The following SASH1 variants were observed in gnomAD, a reference collection of about 807,000 sequenced individuals.
SASH1 encodes SAM and SH3 domain-containing protein 1.
Under a neutral mutation model 125.2 loss-of-function variants are expected in SASH1, and 44 were observed. The ratio of observed to expected loss-of-function variants is 0.35; its 90% CI spans 0.28 to 0.45. SASH1 has a LOEUF of 0.45. Ranked by LOEUF, SASH1 falls within the 20% of genes least tolerant of loss-of-function variation. The probability of loss-of-function intolerance (pLI) is 1.00; values close to 1 mark genes in which losing one functional copy is unlikely to be tolerated. For missense variants in SASH1, 1,426 were observed against 1,614.5 expected (o/e 0.88, Z 2.00); for synonymous variants, 639 against 649.1 (o/e 0.98, Z 0.24).
rs533836794 is a variant in SASH1, at chr6:148,453,613, G to T, written c.386+13206G>T. The stretch of plus-strand genomic sequence containing the variant: ...CCAACTACAGGTACAATCAAAGACT[G>T]GGGTGCTCGGAGAGACCAGTGATGG... On this transcript the variant is annotated intron_variant, in intron 4 of 19. Coordinates refer to ENST00000367467, the MANE Select transcript of SASH1 (RefSeq NM_015278.5). Among the ~76,000 whole-genome samples the T allele has an allele frequency of 2.0e-5, 3 of 152,248 alleles. No homozygotes were observed. In the South Asian group the frequency reaches 6.2e-4, roughly 32 times the overall value.
At position 148,390,275 on chromosome 6, in the gene SASH1, C is replaced by T; in HGVS notation, c.285+13C>T. 6.2e-7 allele frequency: 1 copy of T among 1,609,008 alleles called. No homozygotes were observed. Among genetic ancestry groups the T allele is most frequent in the South Asian group, 1.1e-5 (1 of 90,728 alleles). ...GGACCTGGAAGTGGTGAGTGGGGGT[C>T]CTGGGAATATGCTTCTGTGAGCAGA... is the stretch of plus-strand genomic sequence containing the variant. On this transcript the variant is annotated intron_variant, in intron 2 of 19. Coordinates refer to ENST00000367467, the MANE Select transcript of SASH1 (RefSeq NM_015278.5).
At chr6:148,518,153 G>A (rs564768903) in intron 9 of SASH1, among the ~76,000 whole-genome samples, 34 of 152,196 alleles carry the variant, frequency 2.2e-4, no homozygotes, top group African/African-American at 7.5e-4. Context: ...AGGAAGGAGC[G>A]GGAAACTTCC....
Position 148,366,055 on chromosome 6 carries a change from G to T in SASH1, c.156+22832G>T, listed in dbSNP as rs1405402378. 2.0e-5 allele frequency among the ~76,000 whole-genome samples: 3 copies of T among 152,186 alleles called. No individual in the cohort carries two copies. The East Asian group carries it at 5.8e-4, about 29-fold the overall frequency. ...TTGAACCTGGGAGGTGGAGGTTGCGGTGAGCCGAGGTGGCACCACTGCACT... is the reference window on the plus strand; with the variant it reads ...TTGAACCTGGGAGGTGGAGGTTGCGTTGAGCCGAGGTGGCACCACTGCACT... On this transcript the variant is annotated intron_variant, in intron 1 of 19. Coordinates refer to ENST00000367467, the MANE Select transcript of SASH1 (RefSeq NM_015278.5).
chr6:148,492,743 C>G (rs1779158429), intron 8 of SASH1, among the ~76,000 whole-genome samples: 1 of 152,010 alleles, frequency 6.6e-6, no homozygotes, highest in African/African-American at 2.4e-5. Flanking sequence ...ATCTTTTGAA[C>G]CCAGGAGGCG....
chr6:148,424,413 A>G (rs1775714918), intron 2 of SASH1, among the ~76,000 whole-genome samples: 1 of 152,000 alleles, frequency 6.6e-6, no homozygotes, highest in African/African-American at 2.4e-5. Context: ...TTTAGTAGAG[A>G]CGGGGTTTCA....
chr6:148,348,928 G>T (rs551788861), intron 1 of SASH1, among the ~76,000 whole-genome samples: 1 of 152,374 alleles, frequency 6.6e-6, no homozygotes, highest in Non-Finnish European at 1.5e-5. Context: ...AAGGCGGTAG[G>T]ATCCCTTCAC....
intron 7 of SASH1, among the ~76,000 whole-genome samples, chr6:148,475,125 A>G (rs531460888): frequency 2.0e-5 from 3 of 152,306 alleles, no homozygotes; most frequent in East Asian, 3.9e-4. Flanking sequence ...CAACAAACCC[A>G]TTGATTCTTG....
At chr6:148,505,325 G>GT (rs1363895006) in intron 8 of SASH1, among the ~76,000 whole-genome samples, 3 of 152,176 alleles carry the variant, frequency 2.0e-5, no homozygotes, top group Non-Finnish European at 4.4e-5. Context: ...TTCTGTTTTT[G>GT]TTTTTTGAGA....
Position 148,544,642 on chromosome 6 carries a change from C to T in SASH1, c.3172C>T (p.Pro1058Ser), listed in dbSNP as rs1197500181. The T allele has an allele frequency of 1.1e-5, 18 of 1,613,090 alleles. No individual in the cohort carries two copies. Among genetic ancestry groups the T allele is most frequent in the South Asian group, 2.2e-5 (2 of 90,998 alleles). ...APGSPPSTRP[P>S]PWLSELPENT... ...TGGCAGCCCACCAAGCACAAGGCCGCCCCCCTGGCTCTCAGAGCTCCCCGA... is the reference window on the plus strand; with the variant it reads ...TGGCAGCCCACCAAGCACAAGGCCGTCCCCCTGGCTCTCAGAGCTCCCCGA... The change falls in exon 18 of 20, where the codon CCC becomes TCC. Residue 1058 changes from proline to serine, a missense_variant. Coordinates refer to ENST00000367467, the MANE Select transcript of SASH1 (RefSeq NM_015278.5). This position sits in a 1 kb window ranked among gnomAD's most constrained non-coding sequence, Gnocchi z 6.4.
At chr6:148,289,472 A>G (rs572129430) in intron 1 of SASH1, among the ~76,000 whole-genome samples, 1 of 152,348 alleles carries the variant, frequency 6.6e-6, no homozygotes, top group Admixed American at 6.5e-5. Flanking sequence ...AAGGCAGTGA[A>G]GTGGTCAGAG....
the SASH1 span, among the ~76,000 whole-genome samples, chr6:148,232,546 C>T: frequency 1.3e-5 from 2 of 152,056 alleles, no homozygotes; most frequent in Non-Finnish European, 2.9e-5. Flanking sequence ...TCGGTGTTGT[C>T]GGGTATGTTA....
chr6:148,416,327 A>G (rs1784813971), intron 2 of SASH1, among the ~76,000 whole-genome samples: 1 of 151,684 alleles, frequency 6.6e-6, no homozygotes, highest in South Asian at 2.1e-4. Context: ...TTTTTTTCCT[A>G]AAGTGTCCTC....
the SASH1 span, among the ~76,000 whole-genome samples, chr6:148,264,367 T>G: frequency 6.6e-6 from 1 of 152,188 alleles, no homozygotes; most frequent in African/African-American, 2.4e-5. Context: ...TTATAACTTC[T>G]GCTTTTTCTA....
At chr6:148,292,942 C>T (rs1239334491) in intron 1 of SASH1, among the ~76,000 whole-genome samples, 1 of 152,030 alleles carries the variant, frequency 6.6e-6, no homozygotes, top group Non-Finnish European at 1.5e-5. Context: ...ATCCCAGCTA[C>T]TCAGGAGGCT....
In SASH1 at chr6:148,361,914, C is replaced by CTT. The variant is rs745596285; in HGVS notation, c.156+18707_156+18708dup. On this transcript the variant is annotated intron_variant, in intron 1 of 19. Coordinates refer to ENST00000367467, the MANE Select transcript of SASH1 (RefSeq NM_015278.5). ...GCATTTCTTTTTTCTTTTTCTTTTT[C>CTT]TTTTTTTTTTTTTTTTTGAGACAGA... 1.3e-3 allele frequency among the ~76,000 whole-genome samples: 164 copies of CTT among 125,472 alleles called. 1 individual carries two copies. The Middle Eastern group carries it at 0.018, about 14-fold the overall frequency. The allele number at this position is 125,472 out of a possible 152,430, so 82.3% of individuals were successfully genotyped here.
intron 1 of SASH1, among the ~76,000 whole-genome samples, chr6:148,364,083 A>T (rs186227290): frequency 1.3e-5 from 2 of 152,088 alleles, no homozygotes; most frequent in African/African-American, 4.8e-5. Context: ...TTCCCAGCTC[A>T]TCGGCAGCCC....
chr6:148,235,575 A>C, the SASH1 span, among the ~76,000 whole-genome samples: 2 of 152,184 alleles, frequency 1.3e-5, no homozygotes, highest in African/African-American at 2.4e-5. Context: ...AGTTTCCAGG[A>C]TATAATAACA....
chr6:148,388,202 C>T (rs1039129662), intron 1 of SASH1, among the ~76,000 whole-genome samples: 3 of 152,084 alleles, frequency 2.0e-5, no homozygotes, highest in African/African-American at 7.2e-5. Flanking sequence ...GGCGTGAGCC[C>T]CTGCGCCCGG....
At chr6:148,541,757 A>C (rs1024451647) in intron 17 of SASH1, among the ~76,000 whole-genome samples, 33 of 152,256 alleles carry the variant, frequency 2.2e-4, no homozygotes, top group African/African-American at 7.7e-4. Flanking sequence ...TCCTCTGGGC[A>C]CCTTGTTTGC....
Sources: allele counts gnomAD v4.1 joint callset (sites outside exome capture counted in the v4.1 genomes callset), GRCh38; gene constraint gnomAD v4.1.1; non-coding constraint Gnocchi (gnomAD v3.1); transcripts MANE v1.5; gene names NCBI Gene and HGNC (gene_info 2026-07-23, HGNC 2026-07-21).